ADAMTS12: variants seen among roughly 807,000 people sequenced by gnomAD.
ADAMTS12 encodes the protein A disintegrin and metalloproteinase with thrombospondin motifs 12.
A neutral mutation model predicts 167.8 loss-of-function variants in ADAMTS12; 118 were observed. The observed-to-expected ratio is 0.70, with a 90% confidence interval of 0.61 to 0.82. The LOEUF is 0.82. Among genes scored for constraint, ADAMTS12 ranks in the 40% least tolerant of loss-of-function variants. The pLI is 0.00. For missense variants in ADAMTS12, 1,916 were observed against 1,998.8 expected (o/e 0.96, Z 0.79); for synonymous variants, 704 against 716.9 (o/e 0.98, Z 0.29).
intron 3 of ADAMTS12, among the ~76,000 whole-genome samples, chr5:33,689,513 G>A (rs1217003782): frequency 6.6e-6 from 1 of 152,114 alleles, no homozygotes; most frequent in African/African-American, 2.4e-5. Flanking sequence ...AAGGACATTT[G>A]TCTACGAGTG....
chr5:33,681,847 C>G (rs1742131725), intron 5 of ADAMTS12, among the ~76,000 whole-genome samples: 1 of 152,026 alleles, frequency 6.6e-6, no homozygotes, highest in Admixed American at 6.6e-5. Flanking sequence ...GTAACATAAC[C>G]AAAGACCAGA....
intron 6 of ADAMTS12, among the ~76,000 whole-genome samples, chr5:33,661,200 C>T (rs1367153450): frequency 6.6e-6 from 1 of 152,154 alleles, no homozygotes; most frequent in East Asian, 1.9e-4. Flanking sequence ...CTTCTTTCAT[C>T]TAGATTAAAA....
At chr5:33,867,689 T>G (rs1183008486) in intron 2 of ADAMTS12, among the ~76,000 whole-genome samples, 1 of 152,142 alleles carries the variant, frequency 6.6e-6, no homozygotes, top group African/African-American at 2.4e-5. Flanking sequence ...TTATGCAATG[T>G]TGGGTGTACT....
chr5:33,615,989 T>C lies in ADAMTS12; in HGVS notation c.2227A>G (p.Ile743Val), dbSNP rs759606612. The change falls in exon 15 of 24, where the codon ATC becomes GTC. Residue 743 changes from isoleucine to valine, a missense_variant. Transcript: ENST00000504830. ...EIEGAGNFLA[I>V]RSEDPEKYYL... Reference sequence around the variant, plus strand: ...TATTTTTCAGGATCTTCACTCCTGATGGCCAGGAAGTTTCCAGCTCCCTCA... The same window carrying C: ...TATTTTTCAGGATCTTCACTCCTGACGGCCAGGAAGTTTCCAGCTCCCTCA... 2.3e-5 allele frequency: 37 copies of C among 1,614,200 alleles called. No homozygotes were observed. In the East Asian group the frequency reaches 8.0e-4, roughly 35 times the overall value.
At chr5:33,839,834 A>G (rs1004445996) in intron 2 of ADAMTS12, among the ~76,000 whole-genome samples, 10 of 152,344 alleles carry the variant, frequency 6.6e-5, no homozygotes, top group African/African-American at 2.4e-4. Flanking sequence ...TTTGTTCACT[A>G]TAAACAAATA....
At position 33,591,928 on chromosome 5, in the gene ADAMTS12, C is replaced by T. The variant is rs140583764; in HGVS notation, c.2655-3119G>A. ...ACAGCTTCCCACAACAAAAAACTAT[C>T]CAGCCCAGTAAGCCAGGCGCGGTAG... On this transcript the variant is annotated intron_variant, in intron 17 of 23. Transcript: ENST00000504830. Among the ~76,000 whole-genome samples the T allele has an allele frequency of 4.8e-3, 732 of 152,148 alleles. 7 individuals are homozygous for T. The highest frequency in any genetic ancestry group is 0.044 in the South Asian group (211 of 4,816).
intron 17 of ADAMTS12, among the ~76,000 whole-genome samples, chr5:33,593,930 A>G (rs1181814895): frequency 6.6e-6 from 1 of 152,214 alleles, no homozygotes; most frequent in Non-Finnish European, 1.5e-5. Context: ...ATCTCCTCAT[A>G]TACCACCTCA....
At chr5:33,815,322 AATT>A (rs1427269860) in intron 2 of ADAMTS12, among the ~76,000 whole-genome samples, 1 of 152,118 alleles carries the variant, frequency 6.6e-6, no homozygotes, top group Non-Finnish European at 1.5e-5. Flanking sequence ...TTTGGGAGGT[AATT>A]ATTAACAGGT....
chr5:33,626,300 C>T (rs1173613635), intron 13 of ADAMTS12, among the ~76,000 whole-genome samples: 1 of 143,462 alleles, frequency 7.0e-6, no homozygotes, highest in Non-Finnish European at 1.5e-5. Flanking sequence ...AGTGATGGTG[C>T]TGCGGGGTAA....
chr5:33,641,888 C>T lies in ADAMTS12; in HGVS notation c.1640G>A (p.Arg547His), dbSNP rs547266127. The T allele has an allele frequency of 1.9e-5, 30 of 1,613,560 alleles. No homozygotes were observed. Among genetic ancestry groups the T allele is most frequent in the Admixed American group, 5.0e-5 (3 of 59,988 alleles). The change falls in exon 11 of 24, where the codon CGC becomes CAC. Residue 547 changes from arginine (R) to histidine (H), a missense_variant. Arg to His is a conservative substitution (Grantham distance 29). Coordinates refer to ENST00000504830, the MANE Select transcript of ADAMTS12 (RefSeq NM_030955.4). ...GGAACAGTGGGACCAGGGTGACCAG[C>T]GGCCCCAGCCTCCAGGAATGCTCTC... ...KPESIPGGWG[R>H]WSPWSHCSRT...
chr5:33,752,579 T>C (rs1331940829), intron 2 of ADAMTS12, among the ~76,000 whole-genome samples: 1 of 152,168 alleles, frequency 6.6e-6, no homozygotes, highest in Non-Finnish European at 1.5e-5. Context: ...AGGGCCTGGA[T>C]CATAGTCTCA....
At chr5:33,555,360 T>G (rs1023665384) in intron 20 of ADAMTS12, among the ~76,000 whole-genome samples, 1 of 152,176 alleles carries the variant, frequency 6.6e-6, no homozygotes, top group Non-Finnish European at 1.5e-5. Flanking sequence ...TCCGTCCACC[T>G]CAGCCTCCCG....
intron 16 of ADAMTS12, among the ~76,000 whole-genome samples, chr5:33,601,253 C>G (rs1315579098): frequency 6.6e-6 from 1 of 152,038 alleles, no homozygotes; most frequent in Admixed American, 6.6e-5. Context: ...CTTCTCAAGC[C>G]TCAATTTCCT....
At chr5:33,801,106 G>T (rs1354433684) in intron 2 of ADAMTS12, among the ~76,000 whole-genome samples, 1 of 152,154 alleles carries the variant, frequency 6.6e-6, no homozygotes. Context: ...GCTGGAAGAG[G>T]CAAGAAGCAA....
chr5:33,613,272 G>A (rs1451546709), intron 16 of ADAMTS12, among the ~76,000 whole-genome samples: 1 of 152,210 alleles, frequency 6.6e-6, no homozygotes, highest in African/African-American at 2.4e-5. Context: ...TTTTGCATAT[G>A]GCAATATTAC....
At chr5:33,767,738 G>A (rs1343411966) in intron 2 of ADAMTS12, among the ~76,000 whole-genome samples, 4 of 151,964 alleles carry the variant, frequency 2.6e-5, no homozygotes, top group African/African-American at 9.7e-5. Flanking sequence ...CAGGTAAAGC[G>A]GCTAAAGGCA....
At chr5:33,537,302 C>A (rs745372714) in intron 22 of ADAMTS12, among the ~76,000 whole-genome samples, 1 of 152,068 alleles carries the variant, frequency 6.6e-6, no homozygotes, top group African/African-American at 2.4e-5. Flanking sequence ...GAAAAAATGA[C>A]CTTGAAGTAT....
In ADAMTS12 at chr5:33,881,199, G is replaced by C; in HGVS notation, c.409C>G (p.Pro137Ala). Residue 137 changes from proline (P) to alanine (A), a missense_variant, in exon 2 of 24, where the codon CCC (proline) becomes GCC (alanine). Physicochemically the swap from Pro to Ala is conservative, Grantham distance 27 (BLOSUM62 -1). Transcript: ENST00000504830. Reference protein sequence around the residue: ...SHVKMMASSAPLCHLSGTVLQ... With the variant: ...SHVKMMASSAALCHLSGTVLQ... ...ACCGTGCCACTGAGATGGCAGAGGG[G>C]GGCAGAGGAAGCCATCATCTTAACA... is the stretch of plus-strand genomic sequence containing the variant. The C allele has an allele frequency of 1.2e-6, 2 of 1,614,158 alleles. No individual in the cohort carries two copies. The highest frequency in any genetic ancestry group is 1.1e-5 in the South Asian group (1 of 91,082).
At chr5:33,655,155 G>A (rs148789425) in intron 7 of ADAMTS12, among the ~76,000 whole-genome samples, 6 of 152,062 alleles carry the variant, frequency 3.9e-5, no homozygotes, top group African/African-American at 1.2e-4. Flanking sequence ...ACTTTCTAAG[G>A]GGCAGCATTT....
Sources: allele counts gnomAD v4.1 joint callset (sites outside exome capture counted in the v4.1 genomes callset), GRCh38; gene constraint gnomAD v4.1.1; transcripts MANE v1.5; gene names NCBI Gene and HGNC (gene_info 2026-07-23, HGNC 2026-07-21).